ZC3H12B: variants seen among roughly 807,000 people sequenced by gnomAD.
The protein encoded by ZC3H12B is probable ribonuclease ZC3H12B.
ZC3H12B carries 7 observed loss-of-function variants against 43.9 expected under a neutral mutation model. The observed-to-expected ratio is 0.16, with a 90% CI of 0.09 to 0.30. The LOEUF is 0.30. Ranked by LOEUF, ZC3H12B falls within the 10% of genes least tolerant of loss-of-function variation. ZC3H12B has a pLI of 1.00. For missense variants in ZC3H12B, 475 were observed against 670.2 expected (o/e 0.71, Z 3.22); for synonymous variants, 222 against 241.7 (o/e 0.92, Z 0.76).
At chrX:65,070,208 A>G in the ZC3H12B span, among the ~76,000 whole-genome samples, 2 of 110,894 alleles carry the variant, frequency 1.8e-5, no homozygotes, top group African/African-American at 6.6e-5. Context: ...GATTTCTTCT[A>G]GAGTGTCTAG....
chrX:65,501,464 A>G (rs1353236910), intron 4 of ZC3H12B, among the ~76,000 whole-genome samples: 1 of 110,093 alleles, frequency 9.1e-6, no homozygotes, highest in Non-Finnish European at 1.9e-5. Flanking sequence ...AATGTTGCCC[A>G]AGCTGGTCTC....
the ZC3H12B span, among the ~76,000 whole-genome samples, chrX:65,067,405 G>A: frequency 2.7e-4 from 30 of 111,285 alleles, no homozygotes; most frequent in Non-Finnish European, 4.7e-4. Flanking sequence ...GGAGTTCACC[G>A]GCACCTTGAG....
the ZC3H12B span, among the ~76,000 whole-genome samples, chrX:65,152,981 G>A: frequency 8.9e-6 from 1 of 111,931 alleles, no homozygotes; most frequent in African/African-American, 3.3e-5. Flanking sequence ...AAGCAATGGG[G>A]AAAGGATTCC....
chrX:65,149,174 A>G, the ZC3H12B span, among the ~76,000 whole-genome samples: 6 of 111,145 alleles, frequency 5.4e-5, no homozygotes, highest in East Asian at 2.9e-4. Context: ...CTTGGAGGAA[A>G]GATGCATCAA....
chrX:65,037,084 GA>G, the ZC3H12B span, among the ~76,000 whole-genome samples: 1 of 109,260 alleles, frequency 9.2e-6, no homozygotes, highest in Non-Finnish European at 1.9e-5. Context: ...GAATAGAACA[GA>G]AACAGCAATT....
chrX:65,111,681 CATT>C, the ZC3H12B span, among the ~76,000 whole-genome samples: 1 of 109,845 alleles, frequency 9.1e-6, no homozygotes, highest in Non-Finnish European at 1.9e-5. Flanking sequence ...TTTTCATTGT[CATT>C]ATATCTATTA....
At chrX:65,317,748 T>C in the ZC3H12B span, among the ~76,000 whole-genome samples, 1 of 104,292 alleles carries the variant, frequency 9.6e-6, no homozygotes, top group Admixed American at 1.1e-4. Flanking sequence ...CTATTTTGTG[T>C]GTGTGTGTAT....
At chrX:65,075,442 C>G in the ZC3H12B span, among the ~76,000 whole-genome samples, 1 of 112,386 alleles carries the variant, frequency 8.9e-6, no homozygotes, top group Non-Finnish European at 1.9e-5. Flanking sequence ...TGTGGAATAG[C>G]AGCAAATCAC....
chrX:65,334,803 C>A, the ZC3H12B span, among the ~76,000 whole-genome samples: 1 of 111,621 alleles, frequency 9.0e-6, no homozygotes, highest in South Asian at 3.8e-4. Flanking sequence ...ATTTTTATAT[C>A]AAATCTTAGA....
chrX:65,139,945 C>T, the ZC3H12B span, among the ~76,000 whole-genome samples: 1 of 110,704 alleles, frequency 9.0e-6, no homozygotes. Flanking sequence ...TTGTATCCTG[C>T]AAATTTACTG....
chrX:65,187,465 T>A, the ZC3H12B span, among the ~76,000 whole-genome samples: 2 of 111,393 alleles, frequency 1.8e-5, no homozygotes, highest in African/African-American at 3.3e-5. Flanking sequence ...GGTAAGAGAC[T>A]CTACCATGAT....
At chrX:65,173,613 T>C in the ZC3H12B span, among the ~76,000 whole-genome samples, 1 of 112,081 alleles carries the variant, frequency 8.9e-6, no homozygotes, top group South Asian at 3.7e-4. Context: ...TATAGTTTAT[T>C]GAGAGTTAAT....
chrX:65,259,884 C>T, the ZC3H12B span, among the ~76,000 whole-genome samples: 1 of 111,985 alleles, frequency 8.9e-6, no homozygotes, highest in Non-Finnish European at 1.9e-5. Context: ...TGGAGCACTA[C>T]TCAGCCATAA....
chrX:65,098,476 C>T, the ZC3H12B span, among the ~76,000 whole-genome samples: 1 of 110,405 alleles, frequency 9.1e-6, no homozygotes, highest in Non-Finnish European at 1.9e-5. Flanking sequence ...GGAACAGGAA[C>T]TGTCCAGTCT....
the ZC3H12B span, among the ~76,000 whole-genome samples, chrX:65,207,251 TACACACAC>T: frequency 6.9e-5 from 7 of 101,041 alleles, no homozygotes; most frequent in South Asian, 4.4e-4. Context: ...TGTGTATATA[TACACACAC>T]ACACACACAC....
At chrX:65,099,694 A>ACC in the ZC3H12B span, among the ~76,000 whole-genome samples, 1 of 109,801 alleles carries the variant, frequency 9.1e-6, no homozygotes, top group African/African-American at 3.4e-5. Context: ...AACAAAAAGG[A>ACC]CCCCCCACAC....
the ZC3H12B span, among the ~76,000 whole-genome samples, chrX:65,323,179 T>C: frequency 1.8e-5 from 2 of 112,480 alleles, no homozygotes; most frequent in Non-Finnish European, 3.8e-5. Flanking sequence ...CTTCCAATAC[T>C]GTGTTGAATT....
the ZC3H12B span, among the ~76,000 whole-genome samples, chrX:65,350,329 G>A: frequency 9.0e-6 from 1 of 111,596 alleles, no homozygotes. Context: ...GGTATTAATA[G>A]AATGTATCTC....
chrX:65,216,687 G>C, the ZC3H12B span, among the ~76,000 whole-genome samples: 1 of 111,789 alleles, frequency 8.9e-6, no homozygotes, highest in Non-Finnish European at 1.9e-5. Context: ...GTGCAGTGCA[G>C]GGAGAGACTC....
Sources: gnomAD v4.1 joint callset for allele counts (sites outside exome capture counted in the v4.1 genomes callset) on GRCh38, gnomAD v4.1.1 for gene constraint, MANE v1.5 for transcripts, NCBI Gene and HGNC (gene_info 2026-07-23, HGNC 2026-07-21) for gene names.